Variants in CALCR observed in about 807,000 individuals in gnomAD.
CALCR encodes the protein calcitonin receptor.
CALCR carries 47 observed loss-of-function variants against 59.5 expected under a neutral mutation model. That is an observed-to-expected ratio of 0.79 (90% CI 0.63 to 1.01). CALCR has a LOEUF of 1.01. Ranked by LOEUF, CALCR falls within the 50% of genes least tolerant of loss-of-function variation. The probability of loss-of-function intolerance (pLI) is 0.00; values close to 1 mark genes in which losing one functional copy is unlikely to be tolerated. For synonymous variants in CALCR, 213 were observed against 211.3 expected (o/e 1.01, Z -0.07); for missense variants, 566 against 597.1 (o/e 0.95, Z 0.54).
intron 2 of CALCR, among the ~76,000 whole-genome samples, chr7:93,553,130 T>A (rs1002024821): frequency 1.3e-5 from 2 of 152,212 alleles, no homozygotes; most frequent in African/African-American, 2.4e-5. Context: ...TGGGTTATTT[T>A]AAAAATCTGC....
intron 7 of CALCR, among the ~76,000 whole-genome samples, chr7:93,466,311 T>C (rs1344868544): frequency 1.3e-5 from 2 of 151,924 alleles, no homozygotes; most frequent in African/African-American, 4.8e-5. Context: ...AAAAATTTGC[T>C]AATTCACAAA....
At chr7:93,462,498 T>C (rs1288641835) in intron 7 of CALCR, among the ~76,000 whole-genome samples, 2 of 152,148 alleles carry the variant, frequency 1.3e-5, no homozygotes, top group Non-Finnish European at 2.9e-5. Context: ...TTCCATCTGG[T>C]GACTGCTGCA....
At chr7:93,436,573 C>T (rs1348966265) in intron 11 of CALCR, among the ~76,000 whole-genome samples, 1 of 152,092 alleles carries the variant, frequency 6.6e-6, no homozygotes, top group Non-Finnish European at 1.5e-5. Context: ...ATTGCAGATA[C>T]CTTCTTGGAC....
At chr7:93,546,576 C>CTT (rs772741599) in intron 2 of CALCR, among the ~76,000 whole-genome samples, 6 of 141,880 alleles carry the variant, frequency 4.2e-5, no homozygotes, top group African/African-American at 1.0e-4. Context: ...TTTTTCTTTT[C>CTT]TTTTTTTTTT....
chr7:93,550,640 C>CACACACACACACAT (rs546932316), intron 2 of CALCR, among the ~76,000 whole-genome samples: 27 of 146,864 alleles, frequency 1.8e-4, no homozygotes, highest in South Asian at 6.5e-4. Context: ...CACACACACA[C>CACACACACACACAT]GAGAGACAGA....
At chr7:93,529,146 T>A (rs74344424) in intron 2 of CALCR, among the ~76,000 whole-genome samples, 5,035 of 152,292 alleles carry the variant, frequency 0.033, 291 homozygotes, top group African/African-American at 0.12. Context: ...TAATCCCCAG[T>A]GCTGAAGGTG....
chr7:93,521,531 G>A (rs896491742), intron 2 of CALCR, among the ~76,000 whole-genome samples: 2 of 152,048 alleles, frequency 1.3e-5, no homozygotes, highest in African/African-American at 4.8e-5. Flanking sequence ...GAAGCTAGGG[G>A]GAGAATCTAC....
At chr7:93,500,230 G>A (rs192519413) in intron 2 of CALCR, among the ~76,000 whole-genome samples, 1 of 151,988 alleles carries the variant, frequency 6.6e-6, no homozygotes, top group Admixed American at 6.6e-5. Flanking sequence ...ATTCTGCAGT[G>A]AAGTTCTAAA....
Position 93,434,681 on chromosome 7 carries a change from T to G in CALCR, c.1150-387A>C, listed in dbSNP as rs536376740. ...ATCTTTTACAAGACAAGTGTCATAG[T>G]GGGAGGCTGTGGGTCTGTGTCCTAT... On this transcript the variant is annotated intron_variant, in intron 12 of 13. Transcript: ENST00000426151. 8.3e-4 allele frequency among the ~76,000 whole-genome samples: 126 copies of G among 152,072 alleles called. No homozygotes were observed. The South Asian group carries it at 0.015, about 18-fold the overall frequency.
chr7:93,437,691 C>A (rs1443308406), intron 11 of CALCR, among the ~76,000 whole-genome samples: 1 of 152,108 alleles, frequency 6.6e-6, no homozygotes, highest in Non-Finnish European at 1.5e-5. Context: ...GAACCAAAGA[C>A]TTTTAGAGCT....
At chr7:93,462,576 G>A (rs1800358864) in intron 7 of CALCR, among the ~76,000 whole-genome samples, 1 of 152,040 alleles carries the variant, frequency 6.6e-6, no homozygotes. Flanking sequence ...ATTCTCACTA[G>A]CAGTTAATTA....
At chr7:93,557,533 C>CT (rs1789639345) in intron 2 of CALCR, among the ~76,000 whole-genome samples, 1 of 140,558 alleles carries the variant, frequency 7.1e-6, no homozygotes, top group African/African-American at 2.6e-5. Flanking sequence ...ATTGTGAATA[C>CT]TTTTTCCATG....
chr7:93,460,972 A>C (rs1800324437), intron 7 of CALCR, 25 bp from the exon 8 acceptor site: 1 of 1,581,738 alleles, frequency 6.3e-7, no homozygotes, highest in Non-Finnish European at 8.6e-7. Context: ...AACATAAAGC[A>C]TTAACCAGTG....
intron 6 of CALCR, among the ~76,000 whole-genome samples, chr7:93,471,259 C>G (rs979132733): frequency 1.3e-5 from 2 of 151,722 alleles, no homozygotes; most frequent in African/African-American, 4.8e-5. Context: ...AACACTCATT[C>G]GGAAAATTCA....
At chr7:93,522,090 G>A (rs1442114122) in intron 2 of CALCR, among the ~76,000 whole-genome samples, 2 of 152,072 alleles carry the variant, frequency 1.3e-5, no homozygotes, top group Non-Finnish European at 2.9e-5. Context: ...GTTTGCATGA[G>A]TGTCTGAGCG....
intron 3 of CALCR, among the ~76,000 whole-genome samples, chr7:93,485,872 A>C (rs1386249716): frequency 1.3e-5 from 2 of 151,698 alleles, no homozygotes; most frequent in East Asian, 3.9e-4. Flanking sequence ...TAGGTGCAAA[A>C]GGGTTGCATT....
chr7:93,449,689 A>G (rs1223705014), intron 8 of CALCR, among the ~76,000 whole-genome samples: 1 of 152,078 alleles, frequency 6.6e-6, no homozygotes, highest in Non-Finnish European at 1.5e-5. Flanking sequence ...CTGCTTATCT[A>G]TGATCTGACA....
At chr7:93,520,638 C>T (rs912056409) in intron 2 of CALCR, among the ~76,000 whole-genome samples, 1 of 152,058 alleles carries the variant, frequency 6.6e-6, no homozygotes, top group African/African-American at 2.4e-5. Flanking sequence ...AAGAGAAAAA[C>T]ATCAACTCTA....
At chr7:93,492,699 A>C (rs1801110364) in intron 2 of CALCR, among the ~76,000 whole-genome samples, 1 of 151,422 alleles carries the variant, frequency 6.6e-6, no homozygotes, top group Admixed American at 6.6e-5. Flanking sequence ...ATGATATAAG[A>C]TGTGGCAAAA....
Sources: allele counts gnomAD v4.1 joint callset (sites outside exome capture counted in the v4.1 genomes callset), GRCh38; gene constraint gnomAD v4.1.1; transcripts MANE v1.5; gene names NCBI Gene and HGNC (gene_info 2026-07-23, HGNC 2026-07-21).